The following JMJD1C variants were observed in gnomAD, a reference collection of about 807,000 sequenced individuals.
JMJD1C encodes the protein jumonji domain-containing protein 1C.
A neutral mutation model predicts 245.3 loss-of-function variants in JMJD1C; 31 were observed. That is an observed-to-expected ratio of 0.13 (90% CI 0.09 to 0.17). The LOEUF (loss-of-function observed/expected upper bound fraction) is 0.17. Among genes scored for constraint, JMJD1C ranks in the 10% least tolerant of loss-of-function variants. The pLI, the probability that JMJD1C is intolerant of heterozygous loss-of-function variation, is 1.00. For missense variants in JMJD1C, 2,691 were observed against 3,000.2 expected (o/e 0.90, Z 2.41); for synonymous variants, 1,057 against 1,017.4 (o/e 1.04, Z -0.74).
At chr10:63,268,856 A>G (rs1164922668) in intron 2 of JMJD1C, 3 of 985,708 alleles carry the variant, frequency 3.0e-6, no homozygotes, top group East Asian at 2.3e-4. Flanking sequence ...CAGCGGCGTC[A>G]TTGTATAGGA....
intron 22 of JMJD1C, among the ~76,000 whole-genome samples, 170 bp from the exon 23 acceptor site, chr10:63,178,026 C>T (rs1175978437): frequency 1.3e-5 from 2 of 152,094 alleles, no homozygotes; most frequent in Non-Finnish European, 2.9e-5. Context: ...CTGCAGCTTC[C>T]GCCTCCCAGG....
At chr10:63,421,119 G>T (rs1017240042) in intron 1 of JMJD1C, among the ~76,000 whole-genome samples, 7 of 152,170 alleles carry the variant, frequency 4.6e-5, no homozygotes, top group African/African-American at 1.4e-4. Flanking sequence ...TGGATCATCT[G>T]AGGTCGGGAG....
At chr10:63,205,793 T>C (rs748940044) in intron 10 of JMJD1C, among the ~76,000 whole-genome samples, 1 of 152,178 alleles carries the variant, frequency 6.6e-6, no homozygotes, top group Non-Finnish European at 1.5e-5. Context: ...TACGATCTTA[T>C]ATGAGACCAC....
chr10:63,184,298 T>TGG (rs879540249), intron 21 of JMJD1C, among the ~76,000 whole-genome samples: 1 of 148,412 alleles, frequency 6.7e-6, no homozygotes, highest in African/African-American at 2.5e-5. Context: ...TGGAGTGCAG[T>TGG]AGTGCAATCT....
chr10:63,520,002 G>A (rs1268241672), intron 1 of JMJD1C, among the ~76,000 whole-genome samples: 3 of 152,126 alleles, frequency 2.0e-5, no homozygotes, highest in Non-Finnish European at 2.9e-5. Context: ...AAGATTCAGA[G>A]TTAAATGCAA....
intron 2 of JMJD1C, among the ~76,000 whole-genome samples, chr10:63,275,550 C>T (rs1264982183): frequency 4.6e-5 from 7 of 151,790 alleles, no homozygotes; most frequent in Non-Finnish European, 1.0e-4. Flanking sequence ...GATGATAAAA[C>T]ACCAATATTT....
At chr10:63,393,314 G>GA (rs1474221286) in intron 1 of JMJD1C, among the ~76,000 whole-genome samples, 1 of 152,050 alleles carries the variant, frequency 6.6e-6, no homozygotes, top group East Asian at 1.9e-4. Context: ...AATCATCAGG[G>GA]AAATGTATAT....
At chr10:63,314,956 G>GTTTTTTTT (rs71025156) in intron 2 of JMJD1C, among the ~76,000 whole-genome samples, 1 of 133,466 alleles carries the variant, frequency 7.5e-6, no homozygotes, top group African/African-American at 2.8e-5. Flanking sequence ...AGCCTTTTTT[G>GTTTTTTTT]TTTTTTTTTT....
intron 22 of JMJD1C, among the ~76,000 whole-genome samples, chr10:63,180,894 A>G (rs996930470): frequency 1.4e-4 from 21 of 150,634 alleles, no homozygotes; most frequent in African/African-American, 4.6e-4. Flanking sequence ...TCAGCCTCCC[A>G]AGTAGCTGGG....
At chr10:63,456,551 T>C (rs2083142624) in intron 1 of JMJD1C, among the ~76,000 whole-genome samples, 1 of 152,134 alleles carries the variant, frequency 6.6e-6, no homozygotes, top group African/African-American at 2.4e-5. Flanking sequence ...ATCTTAAAAC[T>C]CCTAACTTTA....
intron 1 of JMJD1C, among the ~76,000 whole-genome samples, chr10:63,406,671 A>G (rs1196264085): frequency 1.3e-5 from 2 of 152,132 alleles, no homozygotes; most frequent in African/African-American, 4.8e-5. Context: ...TATCCTGAAA[A>G]TATTCTTAGG....
At chr10:63,475,314 G>A (rs1953625816) in intron 1 of JMJD1C, among the ~76,000 whole-genome samples, 1 of 152,074 alleles carries the variant, frequency 6.6e-6, no homozygotes, top group Non-Finnish European at 1.5e-5. Flanking sequence ...TTCCTAGAGG[G>A]AATAGAAATA....
intron 24 of JMJD1C, among the ~76,000 whole-genome samples, chr10:63,168,840 A>G (rs557120972): frequency 2.6e-5 from 4 of 152,160 alleles, no homozygotes; most frequent in South Asian, 2.1e-4. Context: ...TGATAACCAG[A>G]TATTAAATTA....
Position 63,305,393 on chromosome 10 carries a change from T to TTGC in JMJD1C, c.334-40632_334-40630dup, listed in dbSNP as rs1458100189. Among the ~76,000 whole-genome samples the TTGC allele has an allele frequency of 4.3e-5, 6 of 138,314 alleles. No individual in the cohort carries two copies. The East Asian group carries it at 1.4e-3, about 32-fold the overall frequency. 90.7% of individuals were successfully genotyped at this position (138,314 alleles called of 152,430 possible). ...AAAAAAAAACAAAAAACAAAAAAGG[T>TTGC]TGCAGTGAGCTCTAATTGTACCACT... On this transcript the variant is annotated intron_variant, in intron 2 of 25. Coordinates refer to ENST00000399262, the MANE Select transcript of JMJD1C (RefSeq NM_032776.3).
intron 23 of JMJD1C, 192 bp from the exon 24 acceptor site, chr10:63,176,665 C>G (rs528813184): frequency 5.3e-6 from 3 of 562,814 alleles, no homozygotes; most frequent in Admixed American, 3.1e-5. Context: ...TAAAACAATA[C>G]AGCAATGCTG....
intron 5 of JMJD1C, among the ~76,000 whole-genome samples, chr10:63,216,420 C>A (rs1276071483): frequency 1.3e-5 from 2 of 151,958 alleles, no homozygotes; most frequent in African/African-American, 4.8e-5. Context: ...GTACTTAAAA[C>A]TCCATAGGAG....
intron 16 of JMJD1C, 79 bp from the exon 17 acceptor site, chr10:63,191,187 A>G: frequency 8.8e-7 from 1 of 1,140,434 alleles, no homozygotes; most frequent in Non-Finnish European, 1.3e-6. Context: ...GCTGGAGTGC[A>G]GTGGCGTGAC....
At chr10:63,430,635 T>G (rs994788227) in intron 1 of JMJD1C, among the ~76,000 whole-genome samples, 2 of 152,150 alleles carry the variant, frequency 1.3e-5, no homozygotes, top group African/African-American at 4.8e-5. Flanking sequence ...TGAGTTTCTT[T>G]TGGGGGTATA....
chr10:63,392,677 T>C (rs567504428), intron 1 of JMJD1C, among the ~76,000 whole-genome samples: 6 of 151,454 alleles, frequency 4.0e-5, no homozygotes, highest in South Asian at 2.1e-4. Context: ...ATACAAAAAT[T>C]AGCTGGGCGT....
Sources: gnomAD v4.1 joint callset for allele counts (sites outside exome capture counted in the v4.1 genomes callset) on GRCh38, gnomAD v4.1.1 for gene constraint, MANE v1.5 for transcripts, NCBI Gene and HGNC (gene_info 2026-07-23, HGNC 2026-07-21) for gene names.